The following SLC25A21 variants were observed in gnomAD, a reference collection of about 807,000 sequenced individuals.
The protein encoded by SLC25A21 is mitochondrial 2-oxodicarboxylate carrier.
Under a neutral mutation model 43.8 loss-of-function variants are expected in SLC25A21, and 47 were observed. The ratio of observed to expected loss-of-function variants is 1.07; its 90% CI spans 0.85 to 1.37. The LOEUF (loss-of-function observed/expected upper bound fraction) is 1.37. Ranked by LOEUF, SLC25A21 falls within the 40% of genes most tolerant of loss-of-function variation. The pLI is 0.00. For missense variants in SLC25A21, 352 were observed against 350.2 expected, an observed-to-expected ratio of 1.00 and a Z score of -0.04; for synonymous variants, 131 against 121.3, an observed-to-expected ratio of 1.08 and a Z score of -0.52.
chr14:37,020,668 TG>T (rs1307096054), intron 1 of SLC25A21, among the ~76,000 whole-genome samples: 1 of 151,994 alleles, frequency 6.6e-6, no homozygotes, highest in Non-Finnish European at 1.5e-5. Context: ...TCCATTCCAC[TG>T]GCTGTATCCT....
At chr14:36,980,348 C>T (rs1959990930) in intron 1 of SLC25A21, among the ~76,000 whole-genome samples, 1 of 152,174 alleles carries the variant, frequency 6.6e-6, no homozygotes. Context: ...TGTTTTCCAA[C>T]TTGGTTCCAT....
intron 1 of SLC25A21, among the ~76,000 whole-genome samples, chr14:37,027,947 C>A (rs1461341692): frequency 1.3e-5 from 2 of 152,108 alleles, no homozygotes; most frequent in Non-Finnish European, 2.9e-5. Context: ...TTTTCAAATA[C>A]CAATTGATTC....
At chr14:36,774,243 G>C (rs914271616) in intron 3 of SLC25A21, among the ~76,000 whole-genome samples, 2 of 152,164 alleles carry the variant, frequency 1.3e-5, no homozygotes, top group Non-Finnish European at 1.5e-5. Flanking sequence ...ATAGAAACTC[G>C]ACATTTGTAA....
chr14:37,057,058 T>C (rs1961845223), intron 1 of SLC25A21, among the ~76,000 whole-genome samples: 1 of 152,162 alleles, frequency 6.6e-6, no homozygotes, highest in African/African-American at 2.4e-5. Flanking sequence ...TTATTTGGGG[T>C]TTAATGTGAA....
intron 3 of SLC25A21, among the ~76,000 whole-genome samples, chr14:36,811,108 T>C (rs1372916484): frequency 1.3e-5 from 2 of 152,088 alleles, no homozygotes; most frequent in African/African-American, 4.8e-5. Flanking sequence ...CCATCTGCTA[T>C]TCCTAGAGCA....
chr14:37,019,034 A>G (rs1239880761), intron 1 of SLC25A21, among the ~76,000 whole-genome samples: 1 of 151,860 alleles, frequency 6.6e-6, no homozygotes, highest in Non-Finnish European at 1.5e-5. Context: ...TTTCCCTGAT[A>G]TTCTTGCCCC....
intron 1 of SLC25A21, among the ~76,000 whole-genome samples, chr14:37,105,013 C>A (rs570109100): frequency 6.6e-6 from 1 of 152,302 alleles, no homozygotes; most frequent in Admixed American, 6.5e-5. Context: ...ATAAGCATTT[C>A]CAGAGGTGCT....
intron 1 of SLC25A21, among the ~76,000 whole-genome samples, chr14:36,880,171 C>G (rs1890671552): frequency 6.6e-6 from 1 of 152,142 alleles, no homozygotes; most frequent in Admixed American, 6.6e-5. Flanking sequence ...GTGGTTTGAG[C>G]AACATCTGGG....
intron 2 of SLC25A21, among the ~76,000 whole-genome samples, chr14:36,846,506 C>G (rs1001813520): frequency 6.6e-6 from 1 of 152,084 alleles, no homozygotes; most frequent in African/African-American, 2.4e-5. Context: ...CTCAGCCTCC[C>G]AAGTAGCTGG....
chr14:37,048,307 T>A lies in SLC25A21; in HGVS notation c.70+123974A>T, dbSNP rs995195989. On this transcript the variant is annotated intron_variant, in intron 1 of 9. Transcript: ENST00000331299. ...AAATACATATTCCTCCTAGTGGCCATGTCATTTTTCATATGCAAGACCACC... is the reference window on the plus strand; with the variant it reads ...AAATACATATTCCTCCTAGTGGCCAAGTCATTTTTCATATGCAAGACCACC... Among the ~76,000 whole-genome samples, 6 of 152,104 alleles carry A rather than the reference T, an allele frequency of 3.9e-5. No individual in the cohort carries two copies. The East Asian group carries it at 9.6e-4, about 24-fold the overall frequency.
At chr14:37,063,371 G>A (rs528012226) in intron 1 of SLC25A21, among the ~76,000 whole-genome samples, 1 of 152,180 alleles carries the variant, frequency 6.6e-6, no homozygotes, top group South Asian at 2.1e-4. Context: ...CTGGTGGCTT[G>A]AGACTGTAAT....
chr14:37,022,705 G>T (rs1961012933), intron 1 of SLC25A21, among the ~76,000 whole-genome samples: 1 of 151,960 alleles, frequency 6.6e-6, no homozygotes, highest in South Asian at 2.1e-4. Flanking sequence ...AATTAATGAA[G>T]TCTGGAATGT....
chr14:37,169,936 C>T (rs2138961371), intron 1 of SLC25A21, among the ~76,000 whole-genome samples: 3 of 152,108 alleles, frequency 2.0e-5, no homozygotes, highest in African/African-American at 7.2e-5. Context: ...TCCTAATTTG[C>T]ATTTATATTA....
At chr14:36,871,458 C>A (rs900176249) in intron 2 of SLC25A21, among the ~76,000 whole-genome samples, 2 of 152,134 alleles carry the variant, frequency 1.3e-5, no homozygotes, top group African/African-American at 4.8e-5. Flanking sequence ...GATGAACATA[C>A]CCAGTTGTAT....
intron 1 of SLC25A21, among the ~76,000 whole-genome samples, chr14:37,161,128 A>G (rs758196963): frequency 2.3e-4 from 35 of 152,256 alleles, no homozygotes; most frequent in Non-Finnish European, 4.4e-4. Flanking sequence ...ATCACTATTC[A>G]TTACATACAT....
At chr14:37,124,611 T>C (rs975152350) in intron 1 of SLC25A21, among the ~76,000 whole-genome samples, 1 of 152,194 alleles carries the variant, frequency 6.6e-6, no homozygotes, top group Non-Finnish European at 1.5e-5. Context: ...CAGTAACCTC[T>C]CTTGGTTACA....
At chr14:37,000,736 T>G (rs983680707) in intron 1 of SLC25A21, among the ~76,000 whole-genome samples, 2 of 152,184 alleles carry the variant, frequency 1.3e-5, no homozygotes, top group African/African-American at 4.8e-5. Context: ...TCCCCCTTGC[T>G]ATTTTTGTGA....
intron 1 of SLC25A21, among the ~76,000 whole-genome samples, chr14:37,014,248 C>T (rs2138743365): frequency 6.6e-6 from 1 of 152,220 alleles, no homozygotes; most frequent in Non-Finnish European, 1.5e-5. Flanking sequence ...TTTCTAATGC[C>T]TTTTGAGACC....
intron 1 of SLC25A21, among the ~76,000 whole-genome samples, chr14:36,962,789 G>A (rs915935722): frequency 1.3e-5 from 2 of 152,108 alleles, no homozygotes; most frequent in Admixed American, 6.5e-5. Flanking sequence ...ATAAAATACC[G>A]TGTAACCAGC....
Sources: gnomAD v4.1 joint callset for allele counts (sites outside exome capture counted in the v4.1 genomes callset) on GRCh38, gnomAD v4.1.1 for gene constraint, MANE v1.5 for transcripts, NCBI Gene and HGNC (gene_info 2026-07-23, HGNC 2026-07-21) for gene names.